Variants in SDK1 observed in about 807,000 individuals in gnomAD.
SDK1 encodes protein sidekick-1.
Under a neutral mutation model 245.5 loss-of-function variants are expected in SDK1, and 157 were observed. That is an observed-to-expected ratio of 0.64 (90% CI 0.56 to 0.73). The LOEUF (loss-of-function observed/expected upper bound fraction) is 0.73, where lower values mean the gene tolerates loss of function less well. Ranked by LOEUF, SDK1 falls within the 30% of genes least tolerant of loss-of-function variation. The pLI, the probability that SDK1 is intolerant of heterozygous loss-of-function variation, is 0.00. For missense variants in SDK1, 3,583 were observed against 3,002.3 expected (o/e 1.19, Z -4.52); for synonymous variants, 1,647 against 1,278.5 (o/e 1.29, Z -6.15).
chr7:3,934,419 T>C (rs1005567498), intron 5 of SDK1, among the ~76,000 whole-genome samples: 1 of 152,354 alleles, frequency 6.6e-6, no homozygotes, highest in East Asian at 1.9e-4. Context: ...TCACAGGCTA[T>C]GCAAAGAACA....
chr7:3,573,368 G>A lies in SDK1; in HGVS notation c.299-45712G>A, dbSNP rs764354289. 5.8e-4 allele frequency among the ~76,000 whole-genome samples: 89 copies of A among 152,182 alleles called. 1 individual carries two copies. Among genetic ancestry groups the A allele is most frequent in the Admixed American group, 1.9e-3 (29 of 15,300 alleles). Reference sequence around the variant, plus strand: ...GGGCCAGAGAGAGCCTCAGGGGGCTGAGCAGAGCACCCTTCTCTGCTGGGC... The same window carrying A: ...GGGCCAGAGAGAGCCTCAGGGGGCTAAGCAGAGCACCCTTCTCTGCTGGGC... On this transcript the variant is annotated intron_variant, in intron 1 of 44. Coordinates refer to ENST00000404826, the MANE Select transcript of SDK1 (RefSeq NM_152744.4).
intron 4 of SDK1, among the ~76,000 whole-genome samples, chr7:3,808,116 G>GA (rs1407333670): frequency 6.6e-6 from 1 of 152,176 alleles, no homozygotes; most frequent in Non-Finnish European, 1.5e-5. Flanking sequence ...TGCTGCAAGG[G>GA]AATTTGAATC....
intron 35 of SDK1, among the ~76,000 whole-genome samples, chr7:4,194,280 A>C (rs1783418819): frequency 9.8e-6 from 1 of 102,008 alleles, no homozygotes; most frequent in African/African-American, 3.9e-5. Flanking sequence ...ACATGTATAG[A>C]TATATGTATG....
At chr7:4,188,815 T>G (rs1482508450) in intron 35 of SDK1, among the ~76,000 whole-genome samples, 2 of 152,238 alleles carry the variant, frequency 1.3e-5, no homozygotes, top group African/African-American at 2.4e-5. Context: ...ATCTATTGAT[T>G]TTTAATTGCT....
At position 3,343,002 on chromosome 7, in the gene SDK1, GAAA is replaced by G. The variant is rs59587479; in HGVS notation, c.298+41130_298+41132del. ...GGGAGAAAACTTCTGCTAAATGGCT[GAAA>G]AAAAAAAAAAAGCACCAAATGTTGG... is the stretch of plus-strand genomic sequence containing the variant. On this transcript the variant is annotated intron_variant, in intron 1 of 44. Transcript: ENST00000404826. 8.0e-5 allele frequency among the ~76,000 whole-genome samples: 11 copies of G among 138,000 alleles called. No homozygotes were observed. In the South Asian group the frequency reaches 1.1e-3, roughly 14 times the overall value. 90.5% of individuals were successfully genotyped at this position (138,000 alleles called of 152,430 possible). A position where few individuals can be genotyped will look rare whatever the true frequency, so the allele number is the denominator to read the frequency against.
intron 4 of SDK1, among the ~76,000 whole-genome samples, chr7:3,651,298 T>C (rs1291683106): frequency 1.3e-5 from 2 of 152,196 alleles, no homozygotes; most frequent in Non-Finnish European, 2.9e-5. Flanking sequence ...TGATATCTTC[T>C]TGTGTTTTTA....
At chr7:3,861,122 A>G (rs1049035543) in intron 5 of SDK1, among the ~76,000 whole-genome samples, 1 of 152,194 alleles carries the variant, frequency 6.6e-6, no homozygotes. Flanking sequence ...ATAGTTGCAC[A>G]TGATCACAGG....
At chr7:3,643,007 T>G (rs542789046) in intron 4 of SDK1, 1 of 152,382 alleles carries the variant, frequency 6.6e-6, no homozygotes, top group South Asian at 2.1e-4. Flanking sequence ...TACATCTAAC[T>G]GTGAAAGTCA....
intron 20 of SDK1, among the ~76,000 whole-genome samples, chr7:4,073,181 G>T (rs779163943): frequency 2.0e-5 from 3 of 152,122 alleles, no homozygotes; most frequent in Admixed American, 2.0e-4. Context: ...TCTCTCCTCT[G>T]GGAGCTGGAA....
rs948213235 is a variant in SDK1 at position 4,162,387 on chromosome 7, A to G, written c.4800+531A>G. 4.6e-4 allele frequency among the ~76,000 whole-genome samples: 61 copies of G among 133,450 alleles called. 1 individual carries two copies. The highest frequency in any genetic ancestry group is 4.3e-3 in the South Asian group (19 of 4,444). The allele number at this position is 133,450 out of a possible 152,430, so 87.5% of individuals were successfully genotyped here. ...TGTTGTTGTTATTATTATTATTATTATTATTATTATTATTATTATTATTAT... is the reference window on the plus strand; with the variant it reads ...TGTTGTTGTTATTATTATTATTATTGTTATTATTATTATTATTATTATTAT... On this transcript the variant is annotated intron_variant, in intron 32 of 44. Coordinates refer to ENST00000404826, the MANE Select transcript of SDK1 (RefSeq NM_152744.4).
intron 1 of SDK1, among the ~76,000 whole-genome samples, chr7:3,496,622 A>G (rs763072188): frequency 6.6e-6 from 1 of 152,208 alleles, no homozygotes; most frequent in Non-Finnish European, 1.5e-5. Context: ...ATTCAGGTCA[A>G]GTATAATATA....
At chr7:3,896,808 T>G (rs1259815296) in intron 5 of SDK1, among the ~76,000 whole-genome samples, 1 of 152,190 alleles carries the variant, frequency 6.6e-6, no homozygotes, top group African/African-American at 2.4e-5. Flanking sequence ...TTCACCTACT[T>G]AAAAAAACTT....
intron 1 of SDK1, among the ~76,000 whole-genome samples, chr7:3,370,523 G>C (rs1339565236): frequency 2.0e-5 from 3 of 152,176 alleles, no homozygotes; most frequent in Non-Finnish European, 4.4e-5. Flanking sequence ...AAAGGAAACA[G>C]ACTGTTATGT....
At chr7:3,973,913 G>T (rs1179567489) in intron 12 of SDK1, among the ~76,000 whole-genome samples, 2 of 152,054 alleles carry the variant, frequency 1.3e-5, no homozygotes, top group African/African-American at 4.8e-5. Context: ...CAAGTGCGGT[G>T]ACTCAGGCCT....
chr7:4,165,983 C>G (rs1781474167), intron 32 of SDK1, among the ~76,000 whole-genome samples: 1 of 151,796 alleles, frequency 6.6e-6, no homozygotes, highest in South Asian at 2.1e-4. Context: ...GAGATGGAGT[C>G]TCACTGTATT....
chr7:3,609,803 C>G (rs939790232), intron 1 of SDK1, among the ~76,000 whole-genome samples: 1 of 151,330 alleles, frequency 6.6e-6, no homozygotes, highest in South Asian at 2.1e-4. Flanking sequence ...TGGGTTCAAG[C>G]GATTCTCCTG....
At chr7:3,953,009 A>T (rs533619748) in intron 7 of SDK1, among the ~76,000 whole-genome samples, 1 of 152,086 alleles carries the variant, frequency 6.6e-6, no homozygotes, top group African/African-American at 2.4e-5. Context: ...GCCGCTGTTG[A>T]TAAGAGGTAG....
At chr7:4,151,268 G>A (rs765801445) in intron 30 of SDK1, among the ~76,000 whole-genome samples, 4 of 152,086 alleles carry the variant, frequency 2.6e-5, no homozygotes, top group Non-Finnish European at 4.4e-5. Context: ...CCAGCTCTCT[G>A]TGGCCCCAGA....
intron 1 of SDK1, among the ~76,000 whole-genome samples, chr7:3,363,374 G>T (rs1781004754): frequency 6.6e-6 from 1 of 151,948 alleles, no homozygotes. Context: ...ACCTATTAAA[G>T]ACATCTGGGT....
Sources: gnomAD v4.1 joint callset for allele counts (sites outside exome capture counted in the v4.1 genomes callset) on GRCh38, gnomAD v4.1.1 for gene constraint, MANE v1.5 for transcripts, NCBI Gene and HGNC (gene_info 2026-07-23, HGNC 2026-07-21) for gene names.